Variants in MECOM observed in about 807,000 individuals in gnomAD.
MECOM encodes the protein MDS1 and EVI1 complex locus.
In MECOM, 13 loss-of-function variants were observed where a neutral mutation model predicts 116.3. The observed-to-expected ratio is 0.11, with a 90% CI of 0.07 to 0.18. MECOM has a LOEUF of 0.18. MECOM is among the 10% of genes least tolerant of loss of function. The pLI is 1.00. For missense variants in MECOM, 1,299 were observed against 1,509.0 expected, an observed-to-expected ratio of 0.86 and a Z score of 2.31; for synonymous variants, 528 against 535.2, an observed-to-expected ratio of 0.99 and a Z score of 0.19.
intron 1 of MECOM, among the ~76,000 whole-genome samples, chr3:169,501,625 A>G (rs1370804322): frequency 1.3e-5 from 2 of 152,126 alleles, no homozygotes; most frequent in African/African-American, 2.4e-5. Context: ...AATTAACAAC[A>G]TAAAACATTC....
At chr3:169,294,747 A>T (rs969908660) in intron 2 of MECOM, among the ~76,000 whole-genome samples, 25 of 152,112 alleles carry the variant, frequency 1.6e-4, no homozygotes, top group South Asian at 6.2e-4. Context: ...TCAATCATTG[A>T]CTCTCAGGAC....
At chr3:169,267,940 G>A (rs1313828153) in intron 2 of MECOM, among the ~76,000 whole-genome samples, 1 of 152,192 alleles carries the variant, frequency 6.6e-6, no homozygotes, top group East Asian at 1.9e-4. Flanking sequence ...TAAGCCATAA[G>A]TCACTTATTT....
intron 13 of MECOM, among the ~76,000 whole-genome samples, chr3:169,094,307 C>T (rs973568962): frequency 6.6e-6 from 1 of 152,120 alleles, no homozygotes; most frequent in Non-Finnish European, 1.5e-5. Flanking sequence ...CCTCCCCTAC[C>T]CCCAAAGCAT....
intron 2 of MECOM, among the ~76,000 whole-genome samples, chr3:169,335,784 G>A (rs574213702): frequency 3.9e-5 from 6 of 151,910 alleles, no homozygotes; most frequent in African/African-American, 1.4e-4. Flanking sequence ...CAGTTTTATG[G>A]GTAATTCATG....
intron 14 of MECOM, among the ~76,000 whole-genome samples, chr3:169,090,830 T>C (rs767613939): frequency 6.6e-6 from 1 of 152,032 alleles, no homozygotes; most frequent in Non-Finnish European, 1.5e-5. Context: ...ATTTTCAAAT[T>C]ATTTTTTACA....
At chr3:169,513,984 T>C (rs1442984785) in intron 1 of MECOM, among the ~76,000 whole-genome samples, 1 of 152,196 alleles carries the variant, frequency 6.6e-6, no homozygotes, top group Non-Finnish European at 1.5e-5. Flanking sequence ...ATTACATCAG[T>C]GGCTAGTGCA....
intron 1 of MECOM, among the ~76,000 whole-genome samples, chr3:169,498,559 G>A (rs1384956730): frequency 6.6e-6 from 1 of 152,190 alleles, no homozygotes; most frequent in African/African-American, 2.4e-5. Flanking sequence ...CATAAAGCCA[G>A]AGTTAAAACT....
rs559338197 is a variant in MECOM, at chr3:169,635,100, C to T, written c.37+28236G>A. Reference sequence around the variant, plus strand: ...CTTGTGGCGCTGCCAGGGCATTGTCCGGGGAAGGGGGTCAGAGCACAGCAT... The same window carrying T: ...CTTGTGGCGCTGCCAGGGCATTGTCTGGGGAAGGGGGTCAGAGCACAGCAT... On this transcript the variant is annotated intron_variant, in intron 1 of 16. Coordinates refer to ENST00000651503, the MANE Select transcript of MECOM (RefSeq NM_004991.4). 4.6e-5 allele frequency among the ~76,000 whole-genome samples: 7 copies of T among 152,140 alleles called. No homozygotes were observed. In the East Asian group the frequency reaches 5.8e-4, roughly 13 times the overall value.
intron 1 of MECOM, among the ~76,000 whole-genome samples, chr3:169,407,658 C>A (rs1389409861): frequency 6.6e-6 from 1 of 152,162 alleles, no homozygotes; most frequent in Non-Finnish European, 1.5e-5. Context: ...CACACATAAT[C>A]CAAAATAATA....
At chr3:169,478,474 G>C (rs2108837035) in intron 1 of MECOM, among the ~76,000 whole-genome samples, 1 of 152,208 alleles carries the variant, frequency 6.6e-6, no homozygotes, top group East Asian at 1.9e-4. Context: ...GTGACCTATA[G>C]GGACACCTCT....
At chr3:169,147,754 A>C (rs748148370) in intron 2 of MECOM, 11 of 873,760 alleles carry the variant, frequency 1.3e-5, no homozygotes, top group Non-Finnish European at 1.4e-5. Flanking sequence ...GTGTGTGTGC[A>C]TGTGTGTGTG....
intron 2 of MECOM, among the ~76,000 whole-genome samples, chr3:169,208,675 A>G (rs1410726877): frequency 6.6e-6 from 1 of 152,112 alleles, no homozygotes; most frequent in Non-Finnish European, 1.5e-5. Context: ...ACTACAAACC[A>G]CTGGTCAGGA....
intron 1 of MECOM, among the ~76,000 whole-genome samples, chr3:169,445,018 A>T (rs774376701): frequency 5.3e-5 from 8 of 152,216 alleles, no homozygotes; most frequent in Non-Finnish European, 8.8e-5. Flanking sequence ...CTAAGCAGAA[A>T]AGCATTCAAG....
chr3:169,124,070 A>G (rs993363966), intron 5 of MECOM, among the ~76,000 whole-genome samples: 3 of 152,146 alleles, frequency 2.0e-5, no homozygotes, highest in African/African-American at 7.2e-5. Context: ...AAACAATGAT[A>G]GAGTTAGAGT....
At chr3:169,211,930 C>T (rs1750778838) in intron 2 of MECOM, among the ~76,000 whole-genome samples, 1 of 152,138 alleles carries the variant, frequency 6.6e-6, no homozygotes, top group African/African-American at 2.4e-5. Flanking sequence ...TCCTCACCAA[C>T]ACACTCTTTT....
chr3:169,193,135 T>G (rs1208644769), intron 2 of MECOM, among the ~76,000 whole-genome samples: 1 of 152,022 alleles, frequency 6.6e-6, no homozygotes, highest in Non-Finnish European at 1.5e-5. Flanking sequence ...GCTATGTGTC[T>G]GAATTAATTT....
chr3:169,318,314 T>C (rs1456144875), intron 2 of MECOM, among the ~76,000 whole-genome samples: 1 of 152,128 alleles, frequency 6.6e-6, no homozygotes, highest in Non-Finnish European at 1.5e-5. Context: ...CAAAAGAAAC[T>C]ACCATCAGAG....
chr3:169,661,226 G>A (rs1776238982), intron 1 of MECOM, among the ~76,000 whole-genome samples: 1 of 152,098 alleles, frequency 6.6e-6, no homozygotes, highest in East Asian at 1.9e-4. Context: ...GCGGCGCGAA[G>A]CCTTAAGCTT....
intron 1 of MECOM, among the ~76,000 whole-genome samples, chr3:169,429,470 G>C (rs552804600): frequency 6.6e-6 from 1 of 152,192 alleles, no homozygotes; most frequent in Non-Finnish European, 1.5e-5. Context: ...TCCATCACAA[G>C]CTCAGAGACT....
Sources: allele counts gnomAD v4.1 joint callset (sites outside exome capture counted in the v4.1 genomes callset), GRCh38; gene constraint gnomAD v4.1.1; transcripts MANE v1.5; gene names NCBI Gene and HGNC (gene_info 2026-07-23, HGNC 2026-07-21).